The following NALF1 variants were observed in gnomAD, a reference collection of about 807,000 sequenced individuals.
NALF1 encodes NALCN channel auxiliary factor 1, also known as family with sequence similarity 155 member A.
Under a neutral mutation model 48.4 loss-of-function variants are expected in NALF1, and 3 were observed. That is an observed-to-expected ratio of 0.06 (90% confidence interval 0.03 to 0.16). NALF1 has a LOEUF of 0.16. Ranked by LOEUF, NALF1 falls within the 10% of genes least tolerant of loss-of-function variation. The pLI is 1.00. For missense variants in NALF1, 526 were observed against 571.5 expected, an observed-to-expected ratio of 0.92 and a Z score of 0.81; for synonymous variants, 262 against 245.7, an observed-to-expected ratio of 1.07 and a Z score of -0.62.
chr13:107,311,400 A>G (rs1339221799), intron 1 of NALF1, among the ~76,000 whole-genome samples: 1 of 152,158 alleles, frequency 6.6e-6, no homozygotes, highest in Non-Finnish European at 1.5e-5. Context: ...AGATCTTAAA[A>G]CATACAGTAT....
intron 1 of NALF1, among the ~76,000 whole-genome samples, chr13:107,396,330 G>T (rs1293681841): frequency 6.6e-6 from 1 of 152,152 alleles, no homozygotes; most frequent in Non-Finnish European, 1.5e-5. Context: ...GAAGCGTTCT[G>T]TGTTCGCAAA....
intron 1 of NALF1, among the ~76,000 whole-genome samples, chr13:107,776,737 T>C (rs1269773232): frequency 1.3e-5 from 2 of 152,240 alleles, no homozygotes; most frequent in Admixed American, 1.3e-4. Context: ...ACATGAAATG[T>C]GCTTTGATGT....
intron 1 of NALF1, among the ~76,000 whole-genome samples, chr13:107,290,310 T>C (rs1268475271): frequency 1.3e-5 from 2 of 151,806 alleles, no homozygotes; most frequent in African/African-American, 2.4e-5. Flanking sequence ...CCTTCCAAAA[T>C]AGGAATAAAG....
intron 1 of NALF1, among the ~76,000 whole-genome samples, chr13:107,846,843 G>C (rs1045062640): frequency 6.6e-6 from 1 of 152,166 alleles, no homozygotes; most frequent in African/African-American, 2.4e-5. Flanking sequence ...ATGAGATTTA[G>C]ACAGATGACT....
chr13:107,751,331 T>C (rs901045307), intron 1 of NALF1, among the ~76,000 whole-genome samples: 1 of 152,208 alleles, frequency 6.6e-6, no homozygotes, highest in Non-Finnish European at 1.5e-5. Context: ...TTAAAAATAA[T>C]GGAAAACTGA....
chr13:107,296,908 G>A (rs987506316), intron 1 of NALF1, among the ~76,000 whole-genome samples: 6 of 152,040 alleles, frequency 3.9e-5, no homozygotes, highest in Admixed American at 1.3e-4. Flanking sequence ...CAGTTACTGG[G>A]AGCAGCTGTC....
At chr13:107,563,987 C>T (rs1381714665) in intron 1 of NALF1, among the ~76,000 whole-genome samples, 2 of 152,128 alleles carry the variant, frequency 1.3e-5, no homozygotes, top group African/African-American at 4.8e-5. Context: ...GATCTATAAA[C>T]ATTCACTGAA....
chr13:107,191,806 G>A (rs1373990610), intron 2 of NALF1, among the ~76,000 whole-genome samples: 1 of 151,002 alleles, frequency 6.6e-6, no homozygotes, highest in African/African-American at 2.4e-5. Flanking sequence ...AGAGTAGCTG[G>A]GATTACAGGC....
At chr13:107,585,502 G>C (rs999801503) in intron 1 of NALF1, among the ~76,000 whole-genome samples, 1 of 152,250 alleles carries the variant, frequency 6.6e-6, no homozygotes, top group African/African-American at 2.4e-5. Flanking sequence ...AGAGGCAAAG[G>C]AGAAAGCTTC....
intron 1 of NALF1, among the ~76,000 whole-genome samples, chr13:107,478,023 C>G (rs1287438381): frequency 2.0e-5 from 3 of 152,148 alleles, no homozygotes; most frequent in Non-Finnish European, 4.4e-5. Context: ...ACTCAGACAA[C>G]CTACCATCCT....
intron 2 of NALF1, among the ~76,000 whole-genome samples, chr13:107,174,944 C>T (rs1029595903): frequency 4.0e-5 from 6 of 150,582 alleles, no homozygotes; most frequent in Admixed American, 2.0e-4. Flanking sequence ...AGTGCAGCGG[C>T]GCGATCTCGG....
chr13:107,329,677 ATG>A (rs1487385570), intron 1 of NALF1, among the ~76,000 whole-genome samples: 2 of 119,718 alleles, frequency 1.7e-5, no homozygotes, highest in Non-Finnish European at 3.3e-5. Flanking sequence ...ACAATCCCTG[ATG>A]TGTGTGTGAT....
chr13:107,747,925 T>C (rs112770759), intron 1 of NALF1, among the ~76,000 whole-genome samples: 127 of 152,304 alleles, frequency 8.3e-4, no homozygotes, highest in African/African-American at 2.8e-3. Context: ...CAAGAGTATA[T>C]AGGATAATCT....
intron 1 of NALF1, among the ~76,000 whole-genome samples, chr13:107,504,109 G>A (rs1555305155): frequency 2.6e-5 from 4 of 151,808 alleles, no homozygotes; most frequent in Non-Finnish European, 5.9e-5. Context: ...AAAATTAGCT[G>A]GGTGTGGCGG....
chr13:107,251,691 C>G (rs1880704310), intron 1 of NALF1, among the ~76,000 whole-genome samples: 1 of 152,150 alleles, frequency 6.6e-6, no homozygotes, highest in Non-Finnish European at 1.5e-5. Context: ...TGCAAGTTAG[C>G]TATGTCAGGA....
At chr13:107,631,980 A>G (rs1879848343) in intron 1 of NALF1, among the ~76,000 whole-genome samples, 1 of 152,176 alleles carries the variant, frequency 6.6e-6, no homozygotes, top group Admixed American at 6.5e-5. Context: ...CAGAAATTAC[A>G]ATGATGCATG....
intron 1 of NALF1, among the ~76,000 whole-genome samples, chr13:107,781,603 T>A (rs1373566631): frequency 6.6e-6 from 1 of 151,824 alleles, no homozygotes; most frequent in Non-Finnish European, 1.5e-5. Context: ...CACTTAAAAA[T>A]GTATCAGCAA....
chr13:107,485,834 T>C (rs995210101), intron 1 of NALF1, among the ~76,000 whole-genome samples: 4 of 152,194 alleles, frequency 2.6e-5, no homozygotes, highest in African/African-American at 7.2e-5. Flanking sequence ...TTTTCTCAGT[T>C]CCCTCAACTC....
Position 107,670,477 on chromosome 13 carries a change from C to T in NALF1, c.915+195205G>A, listed in dbSNP as rs182489301. On this transcript the variant is annotated intron_variant, in intron 1 of 2. Transcript: ENST00000375915. ...AATCAGTGATAAGACTATCTTTTCT[C>T]GAGGCTATAATAGTAAATGAACTAA... Among the ~76,000 whole-genome samples, 567 of 152,182 alleles carry T rather than the reference C, an allele frequency of 3.7e-3. 3 individuals carry two copies. The highest frequency in any genetic ancestry group is 4.0e-3 in the Non-Finnish European group (269 of 67,992).
Sources: allele counts gnomAD v4.1 joint callset (sites outside exome capture counted in the v4.1 genomes callset), GRCh38; gene constraint gnomAD v4.1.1; transcripts MANE v1.5; gene names NCBI Gene and HGNC (gene_info 2026-07-23, HGNC 2026-07-21).